BIRC6: variants seen among roughly 807,000 people sequenced by gnomAD.
The protein encoded by BIRC6 is baculoviral IAP repeat containing 6, also known as dual E2 ubiquitin-conjugating enzyme/E3 ubiquitin-protein ligase BIRC6.
A neutral mutation model predicts 503.3 loss-of-function variants in BIRC6; 98 were observed. That is an observed-to-expected ratio of 0.19 (90% CI 0.17 to 0.23). The LOEUF is 0.23. Ranked by LOEUF, BIRC6 falls within the 10% of genes least tolerant of loss-of-function variation. BIRC6 has a pLI of 1.00. For missense variants in BIRC6, 5,360 were observed against 5,806.0 expected (o/e 0.92, Z 2.50); for synonymous variants, 2,240 against 2,078.7 (o/e 1.08, Z -2.11).
chr2:32,462,401 A>G (rs543041902), intron 23 of BIRC6, among the ~76,000 whole-genome samples: 1 of 152,334 alleles, frequency 6.6e-6, no homozygotes, highest in Non-Finnish European at 1.5e-5. Context: ...GAAATGGAAA[A>G]TCAAAGAAAT....
chr2:32,424,547 G>A (rs577458786), intron 10 of BIRC6, among the ~76,000 whole-genome samples: 8 of 149,556 alleles, frequency 5.3e-5, no homozygotes, highest in Non-Finnish European at 7.4e-5. Flanking sequence ...GGAGTTTCAC[G>A]CTTGTTGCCC....
At chr2:32,542,656 G>C (rs1056123654) in intron 61 of BIRC6, among the ~76,000 whole-genome samples, 5 of 152,166 alleles carry the variant, frequency 3.3e-5, no homozygotes, top group African/African-American at 1.2e-4. Context: ...AAAGTTTGGT[G>C]AGAAATAAGA....
chr2:32,460,866 C>G (rs2047816960), intron 23 of BIRC6, among the ~76,000 whole-genome samples: 1 of 151,808 alleles, frequency 6.6e-6, no homozygotes, highest in Non-Finnish European at 1.5e-5. Flanking sequence ...AATGATTTAG[C>G]AAGTCTAACA....
intron 53 of BIRC6, 99 bp downstream of exon 53, chr2:32,510,733 A>G: frequency 2.5e-6 from 2 of 804,776 alleles, no homozygotes; most frequent in South Asian, 3.1e-5. Flanking sequence ...CTCATAAAAG[A>G]CAATACTGTG....
intron 44 of BIRC6, 22 bp from the exon 45 acceptor site, chr2:32,493,518 G>C: frequency 3.2e-6 from 5 of 1,574,794 alleles, no homozygotes; most frequent in Non-Finnish European, 4.3e-6. Flanking sequence ...GCAGTTTTCA[G>C]TGAATATACA....
intron 10 of BIRC6, among the ~76,000 whole-genome samples, chr2:32,420,931 T>G (rs1345814439): frequency 8.6e-6 from 1 of 115,690 alleles, no homozygotes; most frequent in Non-Finnish European, 1.8e-5. Flanking sequence ...TTTATCTGTT[T>G]TATTGATTTT....
At position 32,543,401 on chromosome 2, in the gene BIRC6, C is replaced by G. The variant is rs1304912774; in HGVS notation, c.12452C>G (p.Ser4151Cys). Residue 4151 changes from serine to cysteine, a missense_variant, in exon 62 of 74, where the codon TCT becomes TGT. This residue lies in a region of BIRC6 where 477 missense variants were observed against 574.4 expected (regional missense o/e 0.83). Coordinates refer to ENST00000421745, the MANE Select transcript of BIRC6 (RefSeq NM_016252.4). The part of the protein sequence containing the change: ...PPIKSAVQTM[S>C]PIPAHSLAAF... The stretch of plus-strand genomic sequence containing the variant: ...ATCAAGTCAGCAGTACAGACCATGT[C>G]TCCCATACCTGCCCATTCTTTGGCT... 1 of 1,614,038 alleles carries G rather than the reference C, an allele frequency of 6.2e-7. No homozygotes were observed. Among genetic ancestry groups the G allele is most frequent in the East Asian group, 2.2e-5 (1 of 44,886 alleles).
At chr2:32,389,237 A>G (rs1448997326) in intron 4 of BIRC6, among the ~76,000 whole-genome samples, 1 of 152,166 alleles carries the variant, frequency 6.6e-6, no homozygotes, top group Non-Finnish European at 1.5e-5. Context: ...TAAATATTTT[A>G]GTCAAATTAA....
intron 65 of BIRC6, among the ~76,000 whole-genome samples, chr2:32,572,006 T>C (rs1207756229): frequency 6.6e-6 from 1 of 152,246 alleles, no homozygotes; most frequent in African/African-American, 2.4e-5. Flanking sequence ...ATCATGCTGT[T>C]TAATTTCCAT....
rs370474522 is a variant in BIRC6 at position 32,525,655 on chromosome 2, A to G, written c.11920+27A>G. On this transcript the variant is annotated intron_variant, in intron 59 of 73. Transcript: ENST00000421745. ...TAATATTCCTCAATGAATAAACGTC[A>G]AAGAAATTTTAGTAGCCTTAAAACT... 6.3e-6 allele frequency: 10 copies of G among 1,589,240 alleles called. No individual in the cohort carries two copies. The African/African-American group carries it at 9.5e-5, about 15-fold the overall frequency.
intron 9 of BIRC6, among the ~76,000 whole-genome samples, chr2:32,409,495 G>A (rs2041619773): frequency 6.6e-6 from 1 of 152,156 alleles, no homozygotes; most frequent in Admixed American, 6.6e-5. Context: ...TGTGAGTGCA[G>A]ATAAAGAGAC....
At chr2:32,396,040 A>T (rs530109075) in intron 6 of BIRC6, among the ~76,000 whole-genome samples, 3 of 152,266 alleles carry the variant, frequency 2.0e-5, no homozygotes, top group South Asian at 4.1e-4. Context: ...AACATTAGAG[A>T]TCATGTATTG....
In BIRC6 at chr2:32,543,488, A is replaced by G. The variant is rs1357608002; in HGVS notation, c.12539A>G (p.His4180Arg). Residue 4180 changes from histidine (H) to arginine (R), a missense_variant, in exon 62 of 74, where the codon CAT becomes CGT. Transcript: ENST00000421745. ...YAEVLLKERKHAQCLLRLVLG... is the reference protein window; with the variant it reads ...YAEVLLKERKRAQCLLRLVLG... ...GAAGTGCTACTGAAAGAGAGAAAAC[A>G]TGCCCAGTGCCTTCTTCGATTGGTA... 5 of 1,614,040 alleles carry G rather than the reference A, an allele frequency of 3.1e-6. No individual in the cohort carries two copies. The highest frequency in any genetic ancestry group is 4.2e-6 in the Non-Finnish European group (5 of 1,179,894).
At chr2:32,388,070 T>C (rs193246735) in intron 3 of BIRC6, among the ~76,000 whole-genome samples, 4 of 152,268 alleles carry the variant, frequency 2.6e-5, no homozygotes, top group African/African-American at 9.6e-5. Flanking sequence ...GTTTAAAATC[T>C]ATTCTTTTAG....
chr2:32,549,401 C>A lies in BIRC6; in HGVS notation c.13064C>A (p.Ala4355Asp). 2.6e-6 allele frequency: 4 copies of A among 1,522,454 alleles called. No homozygotes were observed. The highest frequency in any genetic ancestry group is 3.6e-6 in the Non-Finnish European group (4 of 1,116,092). The allele number at this position is 1,522,454 out of a possible 1,614,324, so 94.3% of individuals were successfully genotyped here. Reference protein sequence around the residue: ...SHETRGQNSNALPSVLLELLS... With the variant: ...SHETRGQNSNDLPSVLLELLS... ...GAGACTAGAGGGCAGAACAGTAATG[C>A]CCTTCCTTCTGTACTTCTCGAGCTT... The change falls in exon 65 of 74, where the codon GCC (alanine) becomes GAC (aspartate). Residue 4355 changes from alanine (A) to aspartate (D), a missense_variant. Ala to Asp is a moderately radical substitution (Grantham distance 126). This residue lies in a region of BIRC6 where 477 missense variants were observed against 574.4 expected (regional missense o/e 0.83). Transcript: ENST00000421745.
chr2:32,473,232 A>T lies in BIRC6; in HGVS notation c.6713A>T (p.His2238Leu), dbSNP rs1164313963. Reference protein sequence around the residue: ...SRKIRKQLVHHKQQLNLLKAK... With the variant: ...SRKIRKQLVHLKQQLNLLKAK... ...AAAATCAGAAAGCAGCTTGTTCATC[A>T]TAAACAGGTAATTGTCAATATATTT... Residue 2238 changes from histidine to leucine, a missense_variant, in exon 33 of 74, where the codon CAT (histidine) becomes CTT (leucine). By Grantham distance (99) the His-to-Leu change is moderately conservative. Around this residue, in one of 16 missense-constraint regions of BIRC6, gnomAD observed 2,299 missense variants for 2,267.2 expected, o/e 1.01. Coordinates refer to ENST00000421745, the MANE Select transcript of BIRC6 (RefSeq NM_016252.4). 2.0e-6 allele frequency: 3 copies of T among 1,535,170 alleles called. No homozygotes were observed. Among genetic ancestry groups the T allele is most frequent in the Non-Finnish European group, 2.6e-6 (3 of 1,140,682 alleles).
chr2:32,454,880 T>G (rs2047070556), intron 23 of BIRC6, among the ~76,000 whole-genome samples: 1 of 152,202 alleles, frequency 6.6e-6, no homozygotes, highest in Admixed American at 6.5e-5. Flanking sequence ...AATATGAGCT[T>G]TTTAGATTAA....
chr2:32,429,687 T>G (rs2043890184), intron 11 of BIRC6, among the ~76,000 whole-genome samples: 1 of 152,192 alleles, frequency 6.6e-6, no homozygotes, highest in African/African-American at 2.4e-5. Flanking sequence ...TATTTGTTTG[T>G]TGTTTTTGCC....
intron 61 of BIRC6, among the ~76,000 whole-genome samples, chr2:32,534,625 G>C (rs1157737552): frequency 6.6e-6 from 1 of 150,672 alleles, no homozygotes; most frequent in African/African-American, 2.4e-5. Context: ...CAGCTACTCG[G>C]GAGGCTGAGG....
Sources: allele counts gnomAD v4.1 joint callset (sites outside exome capture counted in the v4.1 genomes callset), GRCh38; gene constraint gnomAD v4.1.1; regional missense constraint gnomAD v4.1.1; transcripts MANE v1.5; gene names NCBI Gene and HGNC (gene_info 2026-07-23, HGNC 2026-07-21).